Variants in SRRM4 observed in about 807,000 individuals in gnomAD.
SRRM4 encodes serine/arginine repetitive matrix protein 4.
A neutral mutation model predicts 68.9 loss-of-function variants in SRRM4; 33 were observed. That is an observed-to-expected ratio of 0.48 (90% CI 0.36 to 0.64). The LOEUF (loss-of-function observed/expected upper bound fraction) is 0.64. Ranked by LOEUF, SRRM4 falls within the 30% of genes least tolerant of loss-of-function variation. The pLI, the probability that SRRM4 is intolerant of heterozygous loss-of-function variation, is 0.00. For synonymous variants in SRRM4, 318 were observed against 318.8 expected, an observed-to-expected ratio of 1.00 and a Z score of 0.03; for missense variants, 817 against 827.1, an observed-to-expected ratio of 0.99 and a Z score of 0.15.
intron 8 of SRRM4, among the ~76,000 whole-genome samples, chr12:119,136,563 T>C (rs973464103): frequency 1.3e-5 from 2 of 152,266 alleles, no homozygotes; most frequent in East Asian, 3.9e-4. Context: ...AAACCACCAT[T>C]TTCTATCACT....
chr12:119,001,617 C>T (rs1476090928), intron 1 of SRRM4: 1 of 152,112 alleles, frequency 6.6e-6, no homozygotes, highest in Non-Finnish European at 1.5e-5. Flanking sequence ...TATATGAACC[C>T]TGTCATGTAT....
intron 6 of SRRM4, among the ~76,000 whole-genome samples, 176 bp downstream of exon 6, chr12:119,122,296 A>AAGGC (rs1397501470): frequency 0.067 from 5,695 of 85,352 alleles, 99 homozygotes; most frequent in East Asian, 0.17. Context: ...GGAAGGCAGG[A>AAGGC]AGGAAGGAAG....
intron 6 of SRRM4, among the ~76,000 whole-genome samples, chr12:119,122,961 C>A (rs1030037705): frequency 5.3e-5 from 8 of 152,222 alleles, no homozygotes; most frequent in Non-Finnish European, 1.2e-4. Context: ...AAATCAGCCA[C>A]TGCTGCCTGT....
intron 1 of SRRM4, among the ~76,000 whole-genome samples, chr12:119,033,941 T>C (rs1953610099): frequency 6.6e-6 from 1 of 152,212 alleles, no homozygotes; most frequent in African/African-American, 2.4e-5. Flanking sequence ...TACATTCATA[T>C]ATATCCTTCT....
intron 1 of SRRM4, among the ~76,000 whole-genome samples, chr12:119,056,896 C>T (rs911855419): frequency 6.6e-6 from 1 of 152,172 alleles, no homozygotes; most frequent in African/African-American, 2.4e-5. Context: ...CTGTCTTGTT[C>T]ATTAAGTTTC....
intron 1 of SRRM4, among the ~76,000 whole-genome samples, chr12:119,073,726 C>T (rs1033310247): frequency 3.7e-4 from 56 of 152,104 alleles, no homozygotes; most frequent in Non-Finnish European, 6.2e-4. Context: ...ACTCAAGCAA[C>T]CCTCCTACCT....
rs780069693 is a variant in SRRM4 at position 119,130,782 on chromosome 12, G to T, written c.719G>T (p.Arg240Leu). 6.2e-6 allele frequency: 10 copies of T among 1,609,144 alleles called. No homozygotes were observed. Among genetic ancestry groups the T allele is most frequent in the Middle Eastern group, 3.3e-4 (2 of 6,062 alleles). Residue 240 changes from arginine (R) to leucine (L), a missense_variant, in exon 8 of 13, where the codon CGC (arginine) becomes CTC (leucine). Coordinates refer to ENST00000267260, the MANE Select transcript of SRRM4 (RefSeq NM_194286.4). Reference sequence around the variant, plus strand: ...GACAGCCCTGAGGCCCAGTCCAGTCGCCCGCCCAGTCAACCCCTCCAGATG... The same window carrying T: ...GACAGCCCTGAGGCCCAGTCCAGTCTCCCGCCCAGTCAACCCCTCCAGATG... ...CKDSPEAQSSRPPSQPLQMLG... is the reference protein window; with the variant it reads ...CKDSPEAQSSLPPSQPLQMLG...
intron 8 of SRRM4, among the ~76,000 whole-genome samples, chr12:119,134,006 G>A (rs1455074493): frequency 6.6e-6 from 1 of 152,148 alleles, no homozygotes; most frequent in Admixed American, 6.5e-5. Context: ...GCCAATGAAG[G>A]GGGAAAATAA....
At chr12:119,057,974 A>G (rs1592880451) in intron 1 of SRRM4, among the ~76,000 whole-genome samples, 1 of 152,178 alleles carries the variant, frequency 6.6e-6, no homozygotes. Flanking sequence ...CAGGAAGGAC[A>G]TCTCCTGGAA....
At chr12:119,054,263 C>G (rs1481532461) in intron 1 of SRRM4, among the ~76,000 whole-genome samples, 1 of 152,186 alleles carries the variant, frequency 6.6e-6, no homozygotes, top group Admixed American at 6.5e-5. Flanking sequence ...ATATGTACCA[C>G]GTTTTATTTA....
intron 6 of SRRM4, among the ~76,000 whole-genome samples, chr12:119,124,930 T>C (rs2136054617): frequency 6.6e-6 from 1 of 152,314 alleles, no homozygotes; most frequent in South Asian, 2.1e-4. Flanking sequence ...ACAAATATTC[T>C]GGAGGCAAAG....
intron 5 of SRRM4, among the ~76,000 whole-genome samples, chr12:119,121,611 A>G (rs1658648595): frequency 6.6e-6 from 1 of 152,206 alleles, no homozygotes; most frequent in Admixed American, 6.5e-5. Context: ...CCATGGCCAC[A>G]TCCTAGCTCA....
intron 1 of SRRM4, among the ~76,000 whole-genome samples, chr12:118,993,453 G>T (rs1953329732): frequency 1.3e-5 from 2 of 152,188 alleles, no homozygotes; most frequent in Admixed American, 6.5e-5. Context: ...GGGCATGGAG[G>T]GATTGGAGTG....
At chr12:119,077,699 T>C (rs1953924640) in intron 1 of SRRM4, among the ~76,000 whole-genome samples, 1 of 152,086 alleles carries the variant, frequency 6.6e-6, no homozygotes, top group South Asian at 2.1e-4. Context: ...AATTCAAGGG[T>C]TATGTATTAA....
At chr12:118,999,736 G>C (rs1189717183) in intron 1 of SRRM4, among the ~76,000 whole-genome samples, 1 of 152,176 alleles carries the variant, frequency 6.6e-6, no homozygotes, top group Non-Finnish European at 1.5e-5. Context: ...TGAACTCAGA[G>C]AGGTCAAAAC....
chr12:119,038,202 A>G (rs1224345039), intron 1 of SRRM4, among the ~76,000 whole-genome samples: 1 of 116,418 alleles, frequency 8.6e-6, no homozygotes, highest in Admixed American at 1.1e-4. Flanking sequence ...CCTTGAAATT[A>G]AAAACTTTTT....
chr12:119,063,367 A>G (rs1953826293), intron 1 of SRRM4, among the ~76,000 whole-genome samples: 1 of 152,180 alleles, frequency 6.6e-6, no homozygotes. Context: ...GTTCCTTTTC[A>G]TGTTTATACT....
intron 1 of SRRM4, among the ~76,000 whole-genome samples, chr12:119,096,094 C>T (rs1192521662): frequency 1.3e-5 from 2 of 151,562 alleles, no homozygotes; most frequent in Non-Finnish European, 2.9e-5. Flanking sequence ...GATCTCAGCT[C>T]ACTGCAAGCT....
chr12:118,985,879 G>T (rs938845944), intron 1 of SRRM4, among the ~76,000 whole-genome samples: 1 of 152,088 alleles, frequency 6.6e-6, no homozygotes. Context: ...TTTGAAATTT[G>T]CATATCAATT....
Sources: gnomAD v4.1 joint callset for allele counts (sites outside exome capture counted in the v4.1 genomes callset) on GRCh38, gnomAD v4.1.1 for gene constraint, MANE v1.5 for transcripts, NCBI Gene and HGNC (gene_info 2026-07-23, HGNC 2026-07-21) for gene names.